The following CLYBL variants were observed in gnomAD, a reference collection of about 807,000 sequenced individuals.
CLYBL encodes the protein citramalyl-CoA lyase.
In CLYBL, 31 loss-of-function variants were observed where a neutral mutation model predicts 38.9. The observed-to-expected ratio is 0.80, with a 90% confidence interval of 0.60 to 1.08. The LOEUF (loss-of-function observed/expected upper bound fraction) is 1.08, where lower values mean the gene tolerates loss of function less well. Ranked by LOEUF, CLYBL falls within the 50% of genes least tolerant of loss-of-function variation. The pLI is 0.00. For missense variants in CLYBL, 434 were observed against 411.6 expected, an observed-to-expected ratio of 1.05 and a Z score of -0.47; for synonymous variants, 171 against 158.6, an observed-to-expected ratio of 1.08 and a Z score of -0.59.
At chr13:99,841,220 G>A (rs1017370899) in intron 2 of CLYBL, among the ~76,000 whole-genome samples, 1 of 152,064 alleles carries the variant, frequency 6.6e-6, no homozygotes, top group Non-Finnish European at 1.5e-5. Context: ...AGAGCACGGC[G>A]CACGGAGGAA....
At chr13:99,819,467 T>TATATAA (rs1566340310) in intron 2 of CLYBL, among the ~76,000 whole-genome samples, 20 of 55,674 alleles carry the variant, frequency 3.6e-4, no homozygotes, top group East Asian at 1.1e-3. Flanking sequence ...TATATATATA[T>TATATAA]AATATTTGTC....
intron 1 of CLYBL, among the ~76,000 whole-genome samples, chr13:99,759,250 A>G (rs2049121164): frequency 6.6e-6 from 1 of 152,250 alleles, no homozygotes; most frequent in Non-Finnish European, 1.5e-5. Context: ...TTTCATAGTC[A>G]TTTAGGTCAA....
intron 1 of CLYBL, among the ~76,000 whole-genome samples, chr13:99,692,297 TTTG>T (rs1459662764): frequency 7.4e-5 from 6 of 81,546 alleles, no homozygotes; most frequent in African/African-American, 1.8e-4. Flanking sequence ...TTTTTTTTTT[TTTG>T]TTTGTTTTTT....
chr13:99,825,648 TAATC>T (rs1210647704), intron 2 of CLYBL, among the ~76,000 whole-genome samples: 1 of 152,112 alleles, frequency 6.6e-6, no homozygotes, highest in Non-Finnish European at 1.5e-5. Flanking sequence ...AGCACACTGG[TAATC>T]TTGTTTCCTG....
rs796626543 is a variant in CLYBL, at chr13:99,748,503, G to A, written c.63-24321G>A. Among the ~76,000 whole-genome samples, 76 of 122,266 alleles carry A rather than the reference G, an allele frequency of 6.2e-4. 1 individual carries two copies. The highest frequency in any genetic ancestry group is 2.4e-3 in the African/African-American group (73 of 30,648). 80.2% of individuals were successfully genotyped at this position (122,266 alleles called of 152,430 possible). A position where few individuals can be genotyped will look rare whatever the true frequency, so the allele number is the denominator to read the frequency against. On this transcript the variant is annotated intron_variant, in intron 1 of 8. Transcript: ENST00000339105. ...CGCCCAGGTTGGAGTGCTGTGGCAC[G>A]ATCTCGGCTCACTGCAACCTCCGCC...
chr13:99,732,716 T>C (rs1440688186), intron 1 of CLYBL, among the ~76,000 whole-genome samples: 3 of 152,160 alleles, frequency 2.0e-5, no homozygotes, highest in African/African-American at 7.2e-5. Flanking sequence ...AAATAAGATA[T>C]GAAAATATGA....
At chr13:99,740,713 G>A (rs1283638152) in intron 1 of CLYBL, among the ~76,000 whole-genome samples, 2 of 152,214 alleles carry the variant, frequency 1.3e-5, no homozygotes, top group Non-Finnish European at 2.9e-5. Flanking sequence ...ACTCTTCCCA[G>A]AGGCTTTGGC....
intron 1 of CLYBL, among the ~76,000 whole-genome samples, chr13:99,681,470 G>C (rs1440041879): frequency 6.6e-6 from 1 of 152,190 alleles, no homozygotes; most frequent in Non-Finnish European, 1.5e-5. Flanking sequence ...TGGAGAGAGA[G>C]AGACCAAGAG....
intron 1 of CLYBL, among the ~76,000 whole-genome samples, chr13:99,767,115 G>T (rs1448995610): frequency 2.6e-5 from 4 of 152,230 alleles, no homozygotes; most frequent in Non-Finnish European, 5.9e-5. Context: ...ACTTTTTCCA[G>T]TGTAGAAACC....
At chr13:99,819,255 G>A (rs915454497) in intron 2 of CLYBL, among the ~76,000 whole-genome samples, 3 of 150,538 alleles carry the variant, frequency 2.0e-5, no homozygotes, top group African/African-American at 7.3e-5. Flanking sequence ...TGAGGCAGGA[G>A]GATCACTGGA....
intron 1 of CLYBL, among the ~76,000 whole-genome samples, chr13:99,629,523 C>T (rs1290444031): frequency 6.6e-6 from 1 of 152,098 alleles, no homozygotes. Flanking sequence ...CATATGGTAT[C>T]GAGAGATGCT....
In CLYBL at chr13:99,704,589, A is replaced by G. The variant is rs139249002; in HGVS notation, c.63-68235A>G. Among the ~76,000 whole-genome samples, 379 of 152,300 alleles carry G rather than the reference A, an allele frequency of 2.5e-3. 3 individuals are homozygous for G. The highest frequency in any genetic ancestry group is 8.8e-3 in the African/African-American group (366 of 41,568). On this transcript the variant is annotated intron_variant, in intron 1 of 8. Transcript: ENST00000339105. ...AGTATTTACACTATGACCTGTGAAC[A>G]GGGAAACCGGCCTGTGTTGAGTACT...
chr13:99,606,887 C>A, intron 1 of CLYBL, 130 bp downstream of exon 1: 1 of 1,261,134 alleles, frequency 7.9e-7, no homozygotes, highest in East Asian at 3.2e-5. Context: ...AAGCACCATG[C>A]GCCTCCCACG....
intron 1 of CLYBL, among the ~76,000 whole-genome samples, chr13:99,750,170 A>G (rs1304708221): frequency 3.3e-5 from 5 of 152,128 alleles, no homozygotes; most frequent in Non-Finnish European, 7.3e-5. Flanking sequence ...AGAGGCAGTG[A>G]CAGAGCACAG....
chr13:99,721,481 A>G (rs1396498419), intron 1 of CLYBL, among the ~76,000 whole-genome samples: 1 of 150,316 alleles, frequency 6.7e-6, no homozygotes, highest in Non-Finnish European at 1.5e-5. Context: ...AAATATATAT[A>G]TATATTTTTA....
At chr13:99,689,179 C>G (rs1349461388) in intron 1 of CLYBL, among the ~76,000 whole-genome samples, 1 of 152,222 alleles carries the variant, frequency 6.6e-6, no homozygotes, top group Non-Finnish European at 1.5e-5. Flanking sequence ...CTTACAGAAT[C>G]TTTGACATTT....
intron 1 of CLYBL, chr13:99,727,221 T>C (rs1325836989): frequency 6.6e-6 from 1 of 151,910 alleles, no homozygotes; most frequent in Non-Finnish European, 1.5e-5. Flanking sequence ...GCCTGGGGAA[T>C]AGACCTGCCT....
intron 2 of CLYBL, among the ~76,000 whole-genome samples, chr13:99,831,916 C>T (rs1384972454): frequency 6.6e-6 from 1 of 152,170 alleles, no homozygotes; most frequent in Non-Finnish European, 1.5e-5. Flanking sequence ...TTTTATTATA[C>T]ATTTATCAAA....
chr13:99,630,016 C>T (rs1442764058), intron 1 of CLYBL, among the ~76,000 whole-genome samples: 2 of 152,152 alleles, frequency 1.3e-5, no homozygotes, highest in African/African-American at 4.8e-5. Flanking sequence ...CTCACCCCTG[C>T]CCCACCATAT....
Sources: allele counts gnomAD v4.1 joint callset (sites outside exome capture counted in the v4.1 genomes callset), GRCh38; gene constraint gnomAD v4.1.1; transcripts MANE v1.5; gene names NCBI Gene and HGNC (gene_info 2026-07-23, HGNC 2026-07-21).